The following TAB2 variants were observed in gnomAD, a reference collection of about 807,000 sequenced individuals.
TAB2 encodes the protein TGF-beta-activated kinase 1 and MAP3K7-binding protein 2.
A neutral mutation model predicts 65.0 loss-of-function variants in TAB2; 3 were observed. That is an observed-to-expected ratio of 0.05 (90% CI 0.02 to 0.12). The LOEUF (loss-of-function observed/expected upper bound fraction) is 0.12, where lower values mean the gene tolerates loss of function less well. Among genes scored for constraint, TAB2 ranks in the 10% least tolerant of loss-of-function variants. TAB2 has a pLI of 1.00. For synonymous variants in TAB2, 298 were observed against 285.1 expected, an observed-to-expected ratio of 1.05 and a Z score of -0.46; for missense variants, 623 against 840.3, an observed-to-expected ratio of 0.74 and a Z score of 3.20.
At chr6:149,241,179 C>A (rs1033183243) in intron 1 of TAB2, among the ~76,000 whole-genome samples, 1 of 152,104 alleles carries the variant, frequency 6.6e-6, no homozygotes, top group African/African-American at 2.4e-5. Context: ...TTCCCAGCCC[C>A]GAGAACTGGG....
chr6:149,294,555 G>T (rs546426138), intron 1 of TAB2, among the ~76,000 whole-genome samples: 1 of 152,302 alleles, frequency 6.6e-6, no homozygotes, highest in African/African-American at 2.4e-5. Context: ...TATGCTTTGA[G>T]CATCTGCTCT....
intron 1 of TAB2, among the ~76,000 whole-genome samples, chr6:149,360,949 C>T (rs1780826032): frequency 6.6e-6 from 1 of 152,220 alleles, no homozygotes; most frequent in Admixed American, 6.5e-5. Flanking sequence ...AAAATAATCT[C>T]CTTTGACTCC....
At chr6:149,367,909 A>G (rs946863026) in intron 1 of TAB2, among the ~76,000 whole-genome samples, 8 of 152,142 alleles carry the variant, frequency 5.3e-5, no homozygotes, top group African/African-American at 1.7e-4. Flanking sequence ...AGCTTGAAAT[A>G]AGTTGATACA....
chr6:149,268,348 T>A (rs148316345), intron 1 of TAB2, among the ~76,000 whole-genome samples: 6 of 152,236 alleles, frequency 3.9e-5, no homozygotes, highest in Non-Finnish European at 8.8e-5. Context: ...GTGGTCCACA[T>A]CCAGCTGGGA....
rs138300185 is a variant in TAB2, at chr6:149,283,714, A to C, written c.-121+64938A>C. ...GACAAGAGAGAAATTCTGTCTAAAA[A>C]ACAAAACAAACAAACAAACAGAAAA... On this transcript the variant is annotated intron_variant, in intron 1 of 1. Transcript: ENST00000606202. 5.2e-3 allele frequency among the ~76,000 whole-genome samples: 787 copies of C among 152,242 alleles called. 6 individuals carry two copies. The highest frequency in any genetic ancestry group is 0.018 in the African/African-American group (760 of 41,532).
chr6:149,262,872 T>A (rs990336016), intron 1 of TAB2, among the ~76,000 whole-genome samples: 2 of 152,274 alleles, frequency 1.3e-5, no homozygotes. Flanking sequence ...GGCACGATTG[T>A]AGCTTACTGT....
At chr6:149,296,164 G>A (rs543902161) in intron 1 of TAB2, among the ~76,000 whole-genome samples, 7 of 152,192 alleles carry the variant, frequency 4.6e-5, no homozygotes, top group African/African-American at 1.4e-4. Flanking sequence ...CTCAAGAAAG[G>A]ATCTGTGCTT....
intron 1 of TAB2, among the ~76,000 whole-genome samples, chr6:149,357,698 CTTTT>C (rs983813209): frequency 6.7e-6 from 1 of 149,850 alleles, no homozygotes; most frequent in Non-Finnish European, 1.5e-5. Flanking sequence ...TCTTATGTAT[CTTTT>C]TTTTTCTTTT....
rs966694692 is a variant in TAB2 at position 149,348,626 on chromosome 6, G to A, written c.-89-21283G>A. On this transcript the variant is annotated intron_variant, in intron 1 of 6. Transcript: ENST00000637181. ...ACAGGGCTTATGGGAAAAAAAAAAG[G>A]AATTATGGCTGTAACACTTGGAAAC... Among the ~76,000 whole-genome samples, 6 of 151,360 alleles carry A rather than the reference G, an allele frequency of 4.0e-5. 1 individual carries two copies. Among genetic ancestry groups the A allele is most frequent in the African/African-American group, 1.5e-4 (6 of 41,198 alleles).
At chr6:149,263,953 A>G (rs187893662) in intron 1 of TAB2, among the ~76,000 whole-genome samples, 29 of 152,284 alleles carry the variant, frequency 1.9e-4, no homozygotes, top group Non-Finnish European at 3.2e-4. Flanking sequence ...TTTCCATGGC[A>G]TCTTCCCAGA....
chr6:149,228,485 T>C (rs565386173), intron 1 of TAB2, among the ~76,000 whole-genome samples: 1 of 152,270 alleles, frequency 6.6e-6, no homozygotes, highest in East Asian at 1.9e-4. Context: ...CCTCACACTG[T>C]GAACCGTCCC....
At chr6:149,259,139 G>T (rs899207260) in intron 1 of TAB2, among the ~76,000 whole-genome samples, 1 of 152,132 alleles carries the variant, frequency 6.6e-6, no homozygotes, top group African/African-American at 2.4e-5. Flanking sequence ...TAATAAACTG[G>T]TGTTGTTCTA....
At chr6:149,341,020 T>G (rs966058183) in intron 1 of TAB2, among the ~76,000 whole-genome samples, 12 of 152,140 alleles carry the variant, frequency 7.9e-5, no homozygotes, top group African/African-American at 2.7e-4. Context: ...TATATAAGGC[T>G]TTTCTTTGCC....
intron 1 of TAB2, among the ~76,000 whole-genome samples, chr6:149,233,483 A>G (rs1349176993): frequency 6.6e-6 from 1 of 152,218 alleles, no homozygotes; most frequent in Admixed American, 6.5e-5. Context: ...TGGTTGAGCC[A>G]TTGGTTTGTC....
chr6:149,374,007 T>G (rs1781316506), intron 2 of TAB2, among the ~76,000 whole-genome samples: 1 of 152,152 alleles, frequency 6.6e-6, no homozygotes, highest in Non-Finnish European at 1.5e-5. Flanking sequence ...CAAAACTGAT[T>G]GAAACACATC....
At position 149,379,464 on chromosome 6, in the gene TAB2, A is replaced by T. The variant is rs1360354851; in HGVS notation, c.1549A>T (p.Ile517Leu). 3 of 1,614,088 alleles carry T rather than the reference A, an allele frequency of 1.9e-6. No individual in the cohort carries two copies. Among genetic ancestry groups the T allele is most frequent in the Non-Finnish European group, 2.5e-6 (3 of 1,180,038 alleles). Reference sequence around the variant, plus strand: ...CCCTACATTAGCACATGTGGATAGAATAAGTGAAACACGGAAACTGAGTAT... The same window carrying T: ...CCCTACATTAGCACATGTGGATAGATTAAGTGAAACACGGAAACTGAGTAT... ...TDPTLAHVDR[I>L]SETRKLSMGS... Residue 517 changes from isoleucine (I) to leucine (L), a missense_variant, in exon 3 of 7, where the codon ATA becomes TTA. By Grantham distance (5) the Ile-to-Leu change is conservative. Transcript: ENST00000637181.
intron 1 of TAB2, among the ~76,000 whole-genome samples, chr6:149,221,963 A>G (rs927494795): frequency 3.9e-5 from 6 of 152,238 alleles, no homozygotes; most frequent in Non-Finnish European, 8.8e-5. Context: ...ATGCCTGGAT[A>G]TTTCTGGAAG....
intron 1 of TAB2, chr6:149,243,922 T>G (rs1342334919): frequency 1.3e-5 from 2 of 152,186 alleles, no homozygotes; most frequent in Non-Finnish European, 2.9e-5. Context: ...GCGCACCATC[T>G]CCACAGTTCC....
At chr6:149,333,865 T>A (rs1779856841) in intron 1 of TAB2, among the ~76,000 whole-genome samples, 1 of 152,112 alleles carries the variant, frequency 6.6e-6, no homozygotes, top group African/African-American at 2.4e-5. Context: ...AATGTTTAAG[T>A]GCTTTGCATT....
Sources: allele counts gnomAD v4.1 joint callset (sites outside exome capture counted in the v4.1 genomes callset), GRCh38; gene constraint gnomAD v4.1.1; transcripts MANE v1.5; gene names NCBI Gene and HGNC (gene_info 2026-07-23, HGNC 2026-07-21).